The following SOX5 variants were observed in gnomAD, a reference collection of about 807,000 sequenced individuals.
SOX5 encodes the protein SRY-box transcription factor 5.
In SOX5, 9 loss-of-function variants were observed where a neutral mutation model predicts 92.0. The observed-to-expected ratio is 0.10, with a 90% CI of 0.06 to 0.17. The LOEUF is 0.17. Among genes scored for constraint, SOX5 ranks in the 10% least tolerant of loss-of-function variants. SOX5 has a pLI of 1.00. For missense variants in SOX5, 642 were observed against 944.5 expected (o/e 0.68, Z 4.20); for synonymous variants, 344 against 336.3 (o/e 1.02, Z -0.25).
chr12:24,557,615 G>A (rs1319837144), intron 1 of SOX5, among the ~76,000 whole-genome samples: 1 of 152,036 alleles, frequency 6.6e-6, no homozygotes, highest in Non-Finnish European at 1.5e-5. Context: ...AGCTACCAGA[G>A]AATACAAACT....
Position 24,336,496 on chromosome 12 carries a change from G to A in SOX5, c.-174+32067C>T, listed in dbSNP as rs149701948. 1.4e-4 allele frequency among the ~76,000 whole-genome samples: 21 copies of A among 152,204 alleles called. No homozygotes were observed. In the East Asian group the frequency reaches 1.7e-3, roughly 13 times the overall value. ...ATTGGGGGAAAGATCAGTAAGACAG[G>A]ATTCTTGCACCAAAGAACTGAGAGG... On this transcript the variant is annotated intron_variant, in intron 2 of 4. Coordinates refer to the SOX5 transcript ENST00000446891.
chr12:23,777,597 A>G (rs10842222), intron 3 of SOX5, among the ~76,000 whole-genome samples: 50,304 of 151,952 alleles, frequency 0.33, 8,646 homozygotes, highest in East Asian at 0.61. Flanking sequence ...TTCTTTGCAC[A>G]GTCTAACTTA....
chr12:24,075,856 AG>A (rs980281527), intron 4 of SOX5, among the ~76,000 whole-genome samples: 1 of 152,210 alleles, frequency 6.6e-6, no homozygotes, highest in African/African-American at 2.4e-5. Flanking sequence ...TGTAATGCAA[AG>A]GAAATGCTCA....
intron 4 of SOX5, among the ~76,000 whole-genome samples, chr12:24,100,355 T>C (rs1450467918): frequency 1.3e-5 from 2 of 152,158 alleles, no homozygotes; most frequent in African/African-American, 2.4e-5. Context: ...CACCATTGCA[T>C]TGAAATTATT....
chr12:23,625,173 C>G (rs145965604), intron 8 of SOX5, among the ~76,000 whole-genome samples: 18 of 152,282 alleles, frequency 1.2e-4, no homozygotes, highest in African/African-American at 4.1e-4. Context: ...TCAACTGATG[C>G]TAAGAAACCA....
At chr12:23,870,051 A>T (rs920881544) in intron 2 of SOX5, among the ~76,000 whole-genome samples, 3 of 152,124 alleles carry the variant, frequency 2.0e-5, no homozygotes, top group Admixed American at 6.5e-5. Context: ...AAAGGACAAA[A>T]CATTTAAGAT....
intron 3 of SOX5, among the ~76,000 whole-genome samples, chr12:24,257,358 C>T (rs537128715): frequency 6.6e-6 from 1 of 152,252 alleles, no homozygotes; most frequent in Non-Finnish European, 1.5e-5. Flanking sequence ...AAGGTGCATA[C>T]AAAAATATGT....
chr12:23,694,496 T>C (rs1173621832), intron 6 of SOX5, among the ~76,000 whole-genome samples: 1 of 152,168 alleles, frequency 6.6e-6, no homozygotes, highest in Non-Finnish European at 1.5e-5. Flanking sequence ...AATTCTCTCT[T>C]TACCTGTGTC....
chr12:23,904,519 A>C (rs1178419242), intron 1 of SOX5, among the ~76,000 whole-genome samples: 1 of 152,202 alleles, frequency 6.6e-6, no homozygotes, highest in Non-Finnish European at 1.5e-5. Context: ...GATCAACAAA[A>C]TTTACCATAA....
At chr12:23,561,206 A>G (rs1305797201) in intron 11 of SOX5, among the ~76,000 whole-genome samples, 1 of 152,208 alleles carries the variant, frequency 6.6e-6, no homozygotes, top group South Asian at 2.1e-4. Flanking sequence ...AAGAGAAAGG[A>G]AAATTGAAGC....
intron 4 of SOX5, among the ~76,000 whole-genome samples, chr12:24,139,925 G>A (rs1054202011): frequency 3.3e-5 from 5 of 152,180 alleles, no homozygotes; most frequent in East Asian, 1.9e-4. Flanking sequence ...TACGTGCACC[G>A]TCATCAGAAT....
intron 3 of SOX5, among the ~76,000 whole-genome samples, chr12:23,820,018 A>G (rs368296730): frequency 1.2e-4 from 19 of 152,288 alleles, no homozygotes; most frequent in Middle Eastern, 3.4e-3. Context: ...TGTCTTCCAC[A>G]ATGGTTGCAC....
intron 3 of SOX5, among the ~76,000 whole-genome samples, chr12:24,272,646 T>C (rs1595030628): frequency 6.6e-6 from 1 of 152,230 alleles, no homozygotes; most frequent in Non-Finnish European, 1.5e-5. Flanking sequence ...TTAATCTGTA[T>C]TAAATTGTTT....
At chr12:24,207,998 G>A (rs914558479) in intron 4 of SOX5, among the ~76,000 whole-genome samples, 34 of 152,068 alleles carry the variant, frequency 2.2e-4, no homozygotes, top group Admixed American at 2.6e-4. Flanking sequence ...AAAACAAACT[G>A]CTTTTTGTGA....
At chr12:24,025,416 G>C (rs1954773808) in intron 4 of SOX5, among the ~76,000 whole-genome samples, 1 of 152,086 alleles carries the variant, frequency 6.6e-6, no homozygotes, top group East Asian at 1.9e-4. Context: ...AGAATTGAAA[G>C]TTACTAGCTC....
chr12:24,379,374 A>T (rs866684893), intron 1 of SOX5, among the ~76,000 whole-genome samples: 1 of 152,238 alleles, frequency 6.6e-6, no homozygotes, highest in African/African-American at 2.4e-5. Context: ...CAGGCTGGTT[A>T]CGTATTTCAA....
intron 6 of SOX5, among the ~76,000 whole-genome samples, chr12:23,695,510 T>A (rs1338771354): frequency 6.6e-6 from 1 of 152,216 alleles, no homozygotes; most frequent in East Asian, 1.9e-4. Context: ...AAATAAGTAT[T>A]GAGTTTTGTC....
chr12:24,271,260 C>A (rs1179452068), intron 3 of SOX5, among the ~76,000 whole-genome samples: 2 of 152,158 alleles, frequency 1.3e-5, no homozygotes, highest in Non-Finnish European at 2.9e-5. Context: ...TATCTCCTGG[C>A]TACTACTGAG....
chr12:23,555,333 G>T (rs1944969627), intron 11 of SOX5, among the ~76,000 whole-genome samples: 1 of 152,002 alleles, frequency 6.6e-6, no homozygotes, highest in Non-Finnish European at 1.5e-5. Context: ...CTCTCTGAAA[G>T]CCCAATTTGG....
Sources: gnomAD v4.1 joint callset for allele counts (sites outside exome capture counted in the v4.1 genomes callset) on GRCh38, gnomAD v4.1.1 for gene constraint, MANE v1.5 for transcripts, NCBI Gene and HGNC (gene_info 2026-07-23, HGNC 2026-07-21) for gene names.